The following ST3GAL5 variants were observed in gnomAD, a reference collection of about 807,000 sequenced individuals.
ST3GAL5 encodes ST3 beta-galactoside alpha-2,3-sialyltransferase 5.
ST3GAL5 carries 25 observed loss-of-function variants against 46.1 expected under a neutral mutation model. The observed-to-expected ratio is 0.54, with a 90% CI of 0.40 to 0.76. The LOEUF (loss-of-function observed/expected upper bound fraction) is 0.76. ST3GAL5 is among the 30% of genes least tolerant of loss of function. ST3GAL5 has a pLI of 0.00. For missense variants in ST3GAL5, 431 were observed against 521.2 expected (o/e 0.83, Z 1.69); for synonymous variants, 182 against 192.7 (o/e 0.94, Z 0.46).
intron 1 of ST3GAL5, among the ~76,000 whole-genome samples, chr2:85,884,060 T>C (rs1238540361): frequency 2.0e-5 from 3 of 152,140 alleles, no homozygotes; most frequent in Non-Finnish European, 4.4e-5. Context: ...ATTTACCACC[T>C]CTAGGCCAGA....
intron 3 of ST3GAL5, chr2:85,852,882 C>T: frequency 7.7e-7 from 1 of 1,303,842 alleles, no homozygotes; most frequent in Middle Eastern, 2.1e-4. Flanking sequence ...CCAGGAAGGC[C>T]TGGAAAGCGG....
At chr2:85,852,829 T>A in intron 3 of ST3GAL5, 1 of 1,274,034 alleles carries the variant, frequency 7.8e-7, no homozygotes, top group South Asian at 1.2e-5. Context: ...TTAAAGCATT[T>A]CTCCCTAGGT....
intron 1 of ST3GAL5, among the ~76,000 whole-genome samples, chr2:85,877,610 T>C (rs866858736): frequency 6.6e-6 from 1 of 152,232 alleles, no homozygotes; most frequent in Non-Finnish European, 1.5e-5. Context: ...CACTGTCGAG[T>C]TGACTATTTT....
intron 3 of ST3GAL5, chr2:85,855,192 G>A (rs1484418272): frequency 1.3e-5 from 2 of 152,236 alleles, no homozygotes; most frequent in African/African-American, 4.8e-5. Context: ...ATGGGGGCAG[G>A]TCTTTCCTGT....
chr2:85,872,715 G>A (rs1005310767), intron 1 of ST3GAL5, among the ~76,000 whole-genome samples: 3 of 152,238 alleles, frequency 2.0e-5, no homozygotes, highest in Middle Eastern at 3.4e-3. Context: ...GCCCTCTCCC[G>A]TGCACCTAGA....
At position 85,859,690 on chromosome 2, in the gene ST3GAL5, C is replaced by CA. The variant is rs553939511; in HGVS notation, c.318+1490dup. Among the ~76,000 whole-genome samples, 25 of 151,516 alleles carry CA rather than the reference C, an allele frequency of 1.6e-4. No homozygotes were observed. The South Asian group carries it at 4.4e-3, about 27-fold the overall frequency. ...TATTTGTTTATACCTGTCTGTACCA[C>CA]AAAAAAAATTGGAGGCACTTCAAAG... On this transcript the variant is annotated intron_variant, in intron 3 of 6. Transcript: ENST00000638572.
intron 4 of ST3GAL5, 97 bp downstream of exon 4, chr2:85,847,764 C>T: frequency 1.3e-6 from 2 of 1,489,512 alleles, no homozygotes; most frequent in East Asian, 2.5e-5. Flanking sequence ...CACTGCACTC[C>T]AGCCTGGACA....
At chr2:85,841,994 T>C (rs1225864445) in intron 6 of ST3GAL5, among the ~76,000 whole-genome samples, 1 of 152,188 alleles carries the variant, frequency 6.6e-6, no homozygotes, top group East Asian at 1.9e-4. Flanking sequence ...TTTTCATTCA[T>C]CTTAGTTGAG....
At chr2:85,850,416 G>A (rs1683349842) in intron 3 of ST3GAL5, 3 of 152,236 alleles carry the variant, frequency 2.0e-5, no homozygotes, top group African/African-American at 7.2e-5. Flanking sequence ...AATACGAATT[G>A]GCATCTTCAT....
chr2:85,867,806 T>C, intron 1 of ST3GAL5: 1 of 654,424 alleles, frequency 1.5e-6, no homozygotes, highest in South Asian at 1.7e-5. Flanking sequence ...TGTTTTGACC[T>C]AAGGGCAAGA....
At chr2:85,840,611 T>TC in intron 6 of ST3GAL5, 1 of 591,270 alleles carries the variant, frequency 1.7e-6, no homozygotes, top group Non-Finnish European at 3.0e-6. Context: ...TCACACACTT[T>TC]CAAGGGGCAG....
rs1681819400 is a variant in ST3GAL5 at position 85,840,010 on chromosome 2, TTG to T, written c.*132_*133del. 7.1e-7 allele frequency: 1 copy of T among 1,404,786 alleles called. No homozygotes were observed. The highest frequency in any genetic ancestry group is 1.3e-5 in the South Asian group (1 of 76,680). The allele number at this position is 1,404,786 out of a possible 1,614,324, so 87.0% of individuals were successfully genotyped here. On this transcript the variant is annotated 3_prime_UTR_variant, in exon 7 of 7. Transcript: ENST00000638572. ...AAAGTGGGAAGAGCTAAAATTTTTT[TTG>T]TGTTTTTAAATTAAAAGTTAAAAAC...
chr2:85,869,807 G>C (rs1685713697), intron 1 of ST3GAL5, among the ~76,000 whole-genome samples: 1 of 152,132 alleles, frequency 6.6e-6, no homozygotes, highest in South Asian at 2.1e-4. Context: ...AATCCCAACG[G>C]ACAAAGGATG....
chr2:85,857,066 CAAAAAAAAAAAAAAAAA>C (rs373154047), intron 3 of ST3GAL5, among the ~76,000 whole-genome samples: 9 of 70,922 alleles, frequency 1.3e-4, no homozygotes, highest in Admixed American at 1.8e-4. Flanking sequence ...CTGCCTCTAC[CAAAAAAAAAAAAAAAAA>C]AAAAAAAAAA....
chr2:85,867,760 T>C, intron 1 of ST3GAL5: 1 of 720,930 alleles, frequency 1.4e-6, no homozygotes. Context: ...TGCAAGAATT[T>C]GCCGAAGGGC....
intron 4 of ST3GAL5, 118 bp from the exon 5 acceptor site, chr2:85,846,681 T>C (rs1682830370): frequency 1.0e-6 from 1 of 986,242 alleles, no homozygotes; most frequent in African/African-American, 1.6e-5. Flanking sequence ...AATGAGTGCA[T>C]GGTTTGCAGC....
chr2:85,864,722 T>C (rs534914363), intron 1 of ST3GAL5, among the ~76,000 whole-genome samples: 19 of 152,350 alleles, frequency 1.2e-4, no homozygotes, highest in African/African-American at 3.8e-4. Context: ...CCAATAGTAC[T>C]GTAGTAGGGA....
chr2:85,849,231 A>C (rs557716303), intron 3 of ST3GAL5: 6 of 152,186 alleles, frequency 3.9e-5, no homozygotes, highest in African/African-American at 1.4e-4. Context: ...TTTTTTAAAA[A>C]ATGGGTCAGG....
At position 85,862,209 on chromosome 2, in the gene ST3GAL5, T is replaced by C. The variant is rs182537181; in HGVS notation, c.207-917A>G. On this transcript the variant is annotated intron_variant, in intron 2 of 6. Transcript: ENST00000638572. The stretch of plus-strand genomic sequence containing the variant: ...TGACAACTTGGACAAGTTGGGATTA[T>C]GTATAATGATAAGTGAACAGGATGC... 4.3e-3 allele frequency among the ~76,000 whole-genome samples: 655 copies of C among 152,218 alleles called. 2 individuals carry two copies. Among genetic ancestry groups the C allele is most frequent in the Non-Finnish European group, 7.6e-3 (516 of 68,010 alleles).
Sources: allele counts gnomAD v4.1 joint callset (sites outside exome capture counted in the v4.1 genomes callset), GRCh38; gene constraint gnomAD v4.1.1; transcripts MANE v1.5; gene names NCBI Gene and HGNC (gene_info 2026-07-23, HGNC 2026-07-21).